The following BANK1 variants were observed in gnomAD, a reference collection of about 807,000 sequenced individuals.
BANK1 encodes the protein B-cell scaffold protein with ankyrin repeats.
BANK1 carries 95 observed loss-of-function variants against 94.5 expected under a neutral mutation model. That is an observed-to-expected ratio of 1.00 (90% CI 0.85 to 1.19). BANK1 has a LOEUF of 1.19. BANK1 is among the 50% of genes most tolerant of loss of function. The probability of loss-of-function intolerance (pLI) is 0.00; values close to 1 mark genes in which losing one functional copy is unlikely to be tolerated. For missense variants in BANK1, 987 were observed against 932.2 expected, an observed-to-expected ratio of 1.06 and a Z score of -0.77; for synonymous variants, 334 against 308.4, an observed-to-expected ratio of 1.08 and a Z score of -0.87.
intron 1 of BANK1, among the ~76,000 whole-genome samples, chr4:101,812,317 A>G (rs1043910524): frequency 2.0e-5 from 3 of 151,950 alleles, no homozygotes; most frequent in African/African-American, 7.2e-5. Flanking sequence ...TATAAAGTAC[A>G]TTAACATAAA....
At chr4:102,050,684 G>GCAA (rs1728019557) in intron 11 of BANK1, among the ~76,000 whole-genome samples, 1 of 151,900 alleles carries the variant, frequency 6.6e-6, no homozygotes. Flanking sequence ...TGTATAACTT[G>GCAA]CAACAAATGA....
chr4:101,967,894 A>G (rs1724817978), intron 7 of BANK1, among the ~76,000 whole-genome samples: 1 of 152,120 alleles, frequency 6.6e-6, no homozygotes, highest in African/African-American at 2.4e-5. Context: ...AAGATTCAAC[A>G]GCATAAAACT....
Position 101,895,472 on chromosome 4 carries a change from T to C in BANK1, c.1009+62T>C. ...TCACATTCCATTCTATGTAACTCTT[T>C]AATGAATGTTATAACCAAAAATATA... On this transcript the variant is annotated intron_variant, in intron 6 of 16. Coordinates refer to ENST00000322953, the MANE Select transcript of BANK1 (RefSeq NM_017935.5). The C allele has an allele frequency of 5.9e-6, 6 of 1,012,632 alleles. 1 individual carries two copies. The South Asian group carries it at 8.7e-5, about 15-fold the overall frequency. 62.7% of individuals were successfully genotyped at this position (1,012,632 alleles called of 1,614,324 possible).
intron 7 of BANK1, among the ~76,000 whole-genome samples, chr4:101,930,853 T>C (rs1450368095): frequency 2.6e-5 from 4 of 151,644 alleles, no homozygotes. Context: ...TTTTAGTATA[T>C]TCTCTAACAG....
chr4:101,862,465 G>A, intron 3 of BANK1, 61 bp from the exon 4 acceptor site: 1 of 1,372,626 alleles, frequency 7.3e-7, no homozygotes, highest in Non-Finnish European at 9.9e-7. Flanking sequence ...AAATGTAATG[G>A]GTTCTTTGGT....
At chr4:101,865,065 A>C (rs923155103) in intron 4 of BANK1, among the ~76,000 whole-genome samples, 1 of 152,162 alleles carries the variant, frequency 6.6e-6, no homozygotes, top group Non-Finnish European at 1.5e-5. Flanking sequence ...GGTTGGAGAC[A>C]GGAGGATGGA....
chr4:102,055,948 GAAA>G lies in BANK1; in HGVS notation c.1970-4256_1970-4254del, dbSNP rs199632800. On this transcript the variant is annotated intron_variant, in intron 11 of 16. Coordinates refer to ENST00000322953, the MANE Select transcript of BANK1 (RefSeq NM_017935.5). The stretch of plus-strand genomic sequence containing the variant: ...GAAGAATTGAAAGGTAATCACTTGG[GAAA>G]AAAAAAGATTAGGGCAGGACTAGTG... 2.5e-4 allele frequency among the ~76,000 whole-genome samples: 38 copies of G among 150,554 alleles called. 1 individual carries two copies. The South Asian group carries it at 8.0e-3, about 32-fold the overall frequency.
At chr4:101,927,070 T>C (rs569903426) in intron 7 of BANK1, among the ~76,000 whole-genome samples, 3 of 151,732 alleles carry the variant, frequency 2.0e-5, no homozygotes, top group Non-Finnish European at 1.5e-5. Flanking sequence ...GTTTACACAC[T>C]GCTATAAAGA....
At chr4:101,793,889 A>G (rs1725070433) in intron 1 of BANK1, among the ~76,000 whole-genome samples, 1 of 152,112 alleles carries the variant, frequency 6.6e-6, no homozygotes. Context: ...ATTAGCTTAT[A>G]TAAGAGTGGG....
intron 11 of BANK1, among the ~76,000 whole-genome samples, chr4:102,057,318 ATTTCTCTCTCTCTCTCTC>A (rs1560712901): frequency 1.3e-5 from 1 of 78,362 alleles, no homozygotes; most frequent in Non-Finnish European, 2.7e-5. Flanking sequence ...CTGTTTCTCT[ATTTCTCTCTCTCTCTCTC>A]TTTCTCTCTC....
chr4:102,067,108 T>C (rs1728619618), intron 13 of BANK1, among the ~76,000 whole-genome samples: 4 of 152,098 alleles, frequency 2.6e-5, no homozygotes, highest in Non-Finnish European at 5.9e-5. Context: ...ATTCATGTTT[T>C]ATTTTAAAAA....
intron 11 of BANK1, among the ~76,000 whole-genome samples, chr4:102,058,245 C>T (rs1728294025): frequency 1.3e-5 from 2 of 152,040 alleles, no homozygotes; most frequent in Admixed American, 6.6e-5. Context: ...ATACTCACTA[C>T]AATGGGTTGG....
chr4:102,029,741 A>G (rs1388983764), intron 9 of BANK1, among the ~76,000 whole-genome samples: 3 of 152,018 alleles, frequency 2.0e-5, no homozygotes, highest in African/African-American at 7.2e-5. Flanking sequence ...TTAAACTACA[A>G]AGTGCAGGAT....
intron 7 of BANK1, among the ~76,000 whole-genome samples, chr4:101,959,761 G>A (rs1437432623): frequency 6.6e-6 from 1 of 152,168 alleles, no homozygotes; most frequent in Non-Finnish European, 1.5e-5. Flanking sequence ...AAGGCTGGAG[G>A]AGCAGAGATT....
chr4:101,935,944 G>A (rs564297263), intron 7 of BANK1, among the ~76,000 whole-genome samples: 22 of 151,436 alleles, frequency 1.5e-4, no homozygotes, highest in South Asian at 1.0e-3. Context: ...AATCTAACAC[G>A]TCAAGCTATG....
At chr4:102,007,434 C>T (rs1315566104) in intron 7 of BANK1, among the ~76,000 whole-genome samples, 1 of 151,058 alleles carries the variant, frequency 6.6e-6, no homozygotes, top group Non-Finnish European at 1.5e-5. Flanking sequence ...ATTCTTTGGC[C>T]GTTTTTGAAA....
At chr4:101,946,668 A>C (rs941104971) in intron 7 of BANK1, among the ~76,000 whole-genome samples, 3 of 151,992 alleles carry the variant, frequency 2.0e-5, no homozygotes, top group Non-Finnish European at 4.4e-5. Flanking sequence ...GTCATATTAC[A>C]TATCTGGTCA....
intron 7 of BANK1, among the ~76,000 whole-genome samples, chr4:101,935,325 C>G (rs1235688748): frequency 6.6e-6 from 1 of 151,412 alleles, no homozygotes; most frequent in Non-Finnish European, 1.5e-5. Flanking sequence ...CAGAAAATTG[C>G]CTTGTGAAGG....
At chr4:101,821,306 T>G (rs1726137506) in intron 1 of BANK1, among the ~76,000 whole-genome samples, 1 of 152,232 alleles carries the variant, frequency 6.6e-6, no homozygotes, top group Admixed American at 6.5e-5. Flanking sequence ...TTGTTTGCTT[T>G]TTTCTCTTGG....
Sources: gnomAD v4.1 joint callset for allele counts (sites outside exome capture counted in the v4.1 genomes callset) on GRCh38, gnomAD v4.1.1 for gene constraint, MANE v1.5 for transcripts, NCBI Gene and HGNC (gene_info 2026-07-23, HGNC 2026-07-21) for gene names.